Variants in TPMT observed in about 807,000 individuals in gnomAD.
TPMT encodes S-adenosyl-L-methionine:thiopurine S-methyltransferase.
TPMT carries 18 observed loss-of-function variants against 34.2 expected under a neutral mutation model. The ratio of observed to expected loss-of-function variants is 0.53; its 90% CI spans 0.36 to 0.78. TPMT has a LOEUF of 0.78. Among genes scored for constraint, TPMT ranks in the 30% least tolerant of loss-of-function variants. The pLI is 0.00. For synonymous variants in TPMT, 69 were observed against 92.4 expected (o/e 0.75, Z 1.45); for missense variants, 265 against 288.1 (o/e 0.92, Z 0.58).
In TPMT at chr6:18,131,936, C is replaced by T. The variant is rs532458783; in HGVS notation, c.625+197G>A. ...GGGACTACAGGCACATGCCACCACA[C>T]TGGCCTAATTTTTGTATTTTTGTAG... On this transcript the variant is annotated intron_variant, in intron 8 of 8. Transcript: ENST00000309983. This position sits in a 1 kb window ranked among gnomAD's most constrained non-coding sequence, Gnocchi z 4.3. Among the ~76,000 whole-genome samples the T allele has an allele frequency of 6.6e-6, 1 of 152,208 alleles. No individual in the cohort carries two copies. The highest frequency in any genetic ancestry group is 2.4e-5 in the African/African-American group (1 of 41,468).
At position 18,129,108 on chromosome 6, in the gene TPMT, T is replaced by C. The variant is rs1783885684; in HGVS notation, c.*1560A>G. The stretch of plus-strand genomic sequence containing the variant: ...TAAAATCAAAAGTCTCTGGAGAGAA[T>C]TGTGTTGGTCCAGCTCGGGTTAGTT... On this transcript the variant is annotated 3_prime_UTR_variant, in exon 9 of 9. Coordinates refer to ENST00000309983, the MANE Select transcript of TPMT (RefSeq NM_000367.5). 6.6e-6 allele frequency: 1 copy of C among 152,188 alleles called. No individual in the cohort carries two copies. Among genetic ancestry groups the C allele is most frequent in the South Asian group, 2.1e-4 (1 of 4,828 alleles). The allele number at this position is 152,188 out of a possible 1,614,324, so 9.4% of individuals were successfully genotyped here.
chr6:18,139,093 G>A lies in TPMT; in HGVS notation c.420-56C>T. 2 of 1,462,704 alleles carry A rather than the reference G, an allele frequency of 1.4e-6. No homozygotes were observed. Among genetic ancestry groups the A allele is most frequent in the Admixed American group, 1.7e-5 (1 of 59,808 alleles). 90.6% of individuals were successfully genotyped at this position (1,462,704 alleles called of 1,614,324 possible). A position where few individuals can be genotyped will look rare whatever the true frequency, so the allele number is the denominator to read the frequency against. On this transcript the variant is annotated intron_variant, in intron 5 of 8. Transcript: ENST00000309983. This position sits in a 1 kb window ranked among gnomAD's most constrained non-coding sequence, Gnocchi z 4.2. ...AGAAAAATCAAATCTTTAAGAAGAT[G>A]AGCAGCGTCCCCCATGGTGCATGCT...
intron 3 of TPMT, among the ~76,000 whole-genome samples, chr6:18,144,836 T>C (rs1784219234): frequency 1.3e-5 from 2 of 151,832 alleles, no homozygotes; most frequent in South Asian, 4.1e-4. Context: ...TTCTCCTGCC[T>C]CAGCCTCCAG....
chr6:18,131,590 CA>C lies in TPMT; in HGVS notation c.625+542del, dbSNP rs936807873. Among the ~76,000 whole-genome samples, 4 of 151,516 alleles carry C rather than the reference CA, an allele frequency of 2.6e-5. No individual in the cohort carries two copies. The highest frequency in any genetic ancestry group is 9.7e-5 in the African/African-American group (4 of 41,226). The stretch of plus-strand genomic sequence containing the variant: ...ATCAAGATCCTATCTCAAAAATAAA[CA>C]AATAAAAAAAAATATACCATCTCTC... On this transcript the variant is annotated intron_variant, in intron 8 of 8. Coordinates refer to ENST00000309983, the MANE Select transcript of TPMT (RefSeq NM_000367.5). This position sits in a 1 kb window ranked among gnomAD's most constrained non-coding sequence, Gnocchi z 4.3.
rs748517669 is a variant in TPMT at position 18,145,612 on chromosome 6, G to A, written c.234-1884C>T. Among the ~76,000 whole-genome samples the A allele has an allele frequency of 6.6e-6, 1 of 152,200 alleles. No homozygotes were observed. The highest frequency in any genetic ancestry group is 6.5e-5 in the Admixed American group (1 of 15,284). ...CGTACTTTCAATGTGGGCAGAGCAT[G>A]AACTGTTTAGTTGTAAAATGAAACA... is the stretch of plus-strand genomic sequence containing the variant. On this transcript the variant is annotated intron_variant, in intron 3 of 8. Transcript: ENST00000309983. This position sits in a 1 kb window ranked among gnomAD's most constrained non-coding sequence, Gnocchi z 5.6.
chr6:18,133,911 A>G (rs1162992362), intron 6 of TPMT, 22 bp from the exon 7 acceptor site: 23 of 1,594,494 alleles, frequency 1.4e-5, no homozygotes, highest in Non-Finnish European at 1.8e-5. Flanking sequence ...ACAAGAAGGT[A>G]TTTGTTACAT....
rs1784036504 is a variant in TPMT, at chr6:18,136,033, G to A, written c.495-2144C>T. On this transcript the variant is annotated intron_variant, in intron 6 of 8. Transcript: ENST00000309983. The surrounding 1 kb of genome is among the most constrained non-coding windows in gnomAD (Gnocchi z 4.7). ...ACACTGGGGAAATAACTGACCTCAG[G>A]TGATCTGCCCACCTCAGCCTCCCAA... 1.3e-5 allele frequency among the ~76,000 whole-genome samples: 2 copies of A among 152,016 alleles called. No individual in the cohort carries two copies. Among genetic ancestry groups the A allele is most frequent in the South Asian group, 4.2e-4 (2 of 4,810 alleles).
At chr6:18,152,055 C>G (rs1784364162) in intron 1 of TPMT, among the ~76,000 whole-genome samples, 1 of 152,134 alleles carries the variant, frequency 6.6e-6, no homozygotes, top group Admixed American at 6.5e-5. Flanking sequence ...CACTTGGTTG[C>G]AAGAAGTTGA....
intron 7 of TPMT, among the ~76,000 whole-genome samples, chr6:18,133,529 C>T (rs1290792765): frequency 2.6e-5 from 4 of 152,182 alleles, no homozygotes; most frequent in African/African-American, 9.7e-5. Context: ...GATTTCTCTT[C>T]TGTATCAGGA....
Position 18,149,142 on chromosome 6 carries a change from C to T in TPMT, c.-15G>A. On this transcript the variant is annotated 5_prime_UTR_variant, in exon 2 of 9. Transcript: ENST00000309983. The surrounding 1 kb of genome is among the most constrained non-coding windows in gnomAD (Gnocchi z 5.0). ...GTACCATCCATAGTTTCAGAGACAC[C>T]TTTGTCTCACAAGCATATGTCTTCC... is the stretch of plus-strand genomic sequence containing the variant. 1.9e-6 allele frequency: 3 copies of T among 1,613,938 alleles called. No individual in the cohort carries two copies. Among genetic ancestry groups the T allele is most frequent in the Non-Finnish European group, 2.5e-6 (3 of 1,180,004 alleles).
In TPMT at chr6:18,133,913, T is replaced by C. The variant is rs776495832; in HGVS notation, c.495-24A>G. 4 of 1,599,988 alleles carry C rather than the reference T, an allele frequency of 2.5e-6. 1 individual carries two copies. In the Admixed American group the frequency reaches 5.0e-5, roughly 20 times the overall value. On this transcript the variant is annotated intron_variant, in intron 6 of 8. Coordinates refer to ENST00000309983, the MANE Select transcript of TPMT (RefSeq NM_000367.5). ...AGCTACAAAGAACACAAGAAGGTAT[T>C]TGTTACATTTCTCTACACAGGCAAA...
chr6:18,139,529 A>T lies in TPMT; in HGVS notation c.419+136T>A. On this transcript the variant is annotated intron_variant, in intron 5 of 8. Coordinates refer to ENST00000309983, the MANE Select transcript of TPMT (RefSeq NM_000367.5). The surrounding 1 kb of genome is among the most constrained non-coding windows in gnomAD (Gnocchi z 4.2). ...ACGAGTGTGTAATAAAAATATCTGC[A>T]GAACAGACATTCAAAAAAATGCTTT... The T allele has an allele frequency of 1.3e-6, 1 of 762,384 alleles. No homozygotes were observed. The highest frequency in any genetic ancestry group is 2.2e-5 in the Admixed American group (1 of 46,350). The allele number at this position is 762,384 out of a possible 1,614,324, so 47.2% of individuals were successfully genotyped here. A position where few individuals can be genotyped will look rare whatever the true frequency, so the allele number is the denominator to read the frequency against.
At position 18,129,872 on chromosome 6, in the gene TPMT, A is replaced by G. The variant is rs1331326024; in HGVS notation, c.*796T>C. On this transcript the variant is annotated 3_prime_UTR_variant, in exon 9 of 9. Coordinates refer to ENST00000309983, the MANE Select transcript of TPMT (RefSeq NM_000367.5). ...ACATGGAGAAACCATGTGAAAAGGG[A>G]TGCTAGGATCTGAGTAAAAGACAAG... The G allele has an allele frequency of 1.3e-5, 2 of 152,174 alleles. No individual in the cohort carries two copies. Among genetic ancestry groups the G allele is most frequent in the Non-Finnish European group, 2.9e-5 (2 of 68,036 alleles). 9.4% of individuals were successfully genotyped at this position (152,174 alleles called of 1,614,324 possible).
Position 18,137,318 on chromosome 6 carries a change from A to G in TPMT, c.494+1645T>C, listed in dbSNP as rs575631786. 1.1e-3 allele frequency among the ~76,000 whole-genome samples: 165 copies of G among 152,028 alleles called. 1 individual carries two copies. The highest frequency in any genetic ancestry group is 3.5e-3 in the African/African-American group (147 of 41,474). ...AAGCCCAGCTAATTTTTGTATTTTT[A>G]TAGAGATAGGGTTTCACTGTGTTGG... is the stretch of plus-strand genomic sequence containing the variant. On this transcript the variant is annotated intron_variant, in intron 6 of 8. Coordinates refer to ENST00000309983, the MANE Select transcript of TPMT (RefSeq NM_000367.5).
At position 18,147,910 on chromosome 6, in the gene TPMT, A is replaced by G. The variant is rs72552740; in HGVS notation, c.146T>C (p.Leu49Ser). 4 of 1,613,368 alleles carry G rather than the reference A, an allele frequency of 2.5e-6. No homozygotes were observed. Among genetic ancestry groups the G allele is most frequent in the Non-Finnish European group, 3.4e-6 (4 of 1,179,558 alleles). Residue 49 changes from leucine (L) to serine (S), a missense_variant, in exon 3 of 9, where the codon TTA (leucine) becomes TCA (serine). Coordinates refer to ENST00000309983, the MANE Select transcript of TPMT (RefSeq NM_000367.5). ...AFHQEQGHQL[L>S]KKHLDTFLKG... ...AAGGAAAGTATCTAAATGCTTCTTT[A>G]ATAGCCTGAAGAGGAAAAAAAAAAA...
Position 18,149,212 on chromosome 6 carries a change from T to A in TPMT, c.-44-41A>T. The stretch of plus-strand genomic sequence containing the variant: ...TTGCAATGTTGTCATTTAAGGTCAT[T>A]GGAATTCTATTGATGAACTAAATGA... On this transcript the variant is annotated intron_variant, in intron 1 of 8. Coordinates refer to ENST00000309983, the MANE Select transcript of TPMT (RefSeq NM_000367.5). This position sits in a 1 kb window ranked among gnomAD's most constrained non-coding sequence, Gnocchi z 5.0. The A allele has an allele frequency of 6.6e-7, 1 of 1,523,544 alleles. No individual in the cohort carries two copies. Among genetic ancestry groups the A allele is most frequent in the Middle Eastern group, 1.7e-4 (1 of 5,888 alleles). The allele number at this position is 1,523,544 out of a possible 1,614,324, so 94.4% of individuals were successfully genotyped here. A position where few individuals can be genotyped will look rare whatever the true frequency, so the allele number is the denominator to read the frequency against.
At position 18,135,628 on chromosome 6, in the gene TPMT, T is replaced by C. The variant is rs527422743; in HGVS notation, c.495-1739A>G. Among the ~76,000 whole-genome samples the C allele has an allele frequency of 6.6e-6, 1 of 152,222 alleles. No individual in the cohort carries two copies. The highest frequency in any genetic ancestry group is 1.9e-4 in the East Asian group (1 of 5,180). ...GACTTACATCTGTAATCCCAGCACT[T>C]TGGGAGGCCGAGGTGGGCAGATCAC... On this transcript the variant is annotated intron_variant, in intron 6 of 8. Transcript: ENST00000309983. The surrounding 1 kb of genome is among the most constrained non-coding windows in gnomAD (Gnocchi z 5.0).
At position 18,130,462 on chromosome 6, in the gene TPMT, C is replaced by T; in HGVS notation, c.*206G>A. The stretch of plus-strand genomic sequence containing the variant: ...CATCATAATCTCCTCTCCAAAGGAG[C>T]TACTTTAAAAGTTTAGTTACATCTT... On this transcript the variant is annotated 3_prime_UTR_variant, in exon 9 of 9. Transcript: ENST00000309983. The surrounding 1 kb of genome is among the most constrained non-coding windows in gnomAD (Gnocchi z 4.2). The T allele has an allele frequency of 1.9e-6, 1 of 518,094 alleles. No homozygotes were observed. 32.1% of individuals were successfully genotyped at this position (518,094 alleles called of 1,614,324 possible).
At chr6:18,133,769 T>C (rs766252694) in intron 7 of TPMT, 35 bp downstream of exon 7, 1 of 1,419,432 alleles carries the variant, frequency 7.0e-7, no homozygotes. Flanking sequence ...ACTAGGCAAC[T>C]GGTAAAAGAA....
Sources: gnomAD v4.1 joint callset for allele counts (sites outside exome capture counted in the v4.1 genomes callset) on GRCh38, gnomAD v4.1.1 for gene constraint, Gnocchi (gnomAD v3.1) non-coding constraint, MANE v1.5 for transcripts, NCBI Gene and HGNC (gene_info 2026-07-23, HGNC 2026-07-21) for gene names.